SPAG16: variants seen among roughly 807,000 people sequenced by gnomAD.
SPAG16 encodes sperm-associated antigen 16 protein.
SPAG16 carries 86 observed loss-of-function variants against 80.4 expected under a neutral mutation model. The observed-to-expected ratio is 1.07, with a 90% CI of 0.90 to 1.28. SPAG16 has a LOEUF of 1.28. Ranked by LOEUF, SPAG16 falls within the 50% of genes most tolerant of loss-of-function variation. The probability of loss-of-function intolerance (pLI) is 0.00; values close to 1 mark genes in which losing one functional copy is unlikely to be tolerated. For synonymous variants in SPAG16, 294 were observed against 265.9 expected (o/e 1.11, Z -1.03); for missense variants, 870 against 765.3 (o/e 1.14, Z -1.61).
chr2:213,375,873 C>T (rs2066858896), intron 9 of SPAG16, among the ~76,000 whole-genome samples: 1 of 150,746 alleles, frequency 6.6e-6, no homozygotes, highest in Admixed American at 6.6e-5. Context: ...TTAGGTAATG[C>T]CAATAATTTT....
chr2:213,595,501 T>A (rs1416278411), intron 10 of SPAG16, among the ~76,000 whole-genome samples: 1 of 152,136 alleles, frequency 6.6e-6, no homozygotes, highest in African/African-American at 2.4e-5. Context: ...TTTCTAGGAT[T>A]CCTTTAAACT....
chr2:213,653,433 C>T (rs996834981), intron 10 of SPAG16, among the ~76,000 whole-genome samples: 16 of 152,166 alleles, frequency 1.1e-4, no homozygotes, highest in Admixed American at 3.9e-4. Flanking sequence ...CATTTCTCTT[C>T]CCACTTTTCC....
At chr2:214,367,026 A>C (rs1481398209) in intron 15 of SPAG16, among the ~76,000 whole-genome samples, 2 of 152,094 alleles carry the variant, frequency 1.3e-5, no homozygotes, top group South Asian at 2.1e-4. Flanking sequence ...CCTCTCTCCA[A>C]CTGCACCTCT....
At chr2:213,311,948 A>G (rs2126120673) in intron 4 of SPAG16, among the ~76,000 whole-genome samples, 1 of 151,654 alleles carries the variant, frequency 6.6e-6, no homozygotes, top group East Asian at 1.9e-4. Context: ...AATTTGATAT[A>G]GGTTCTTTCA....
chr2:214,185,665 C>G (rs2057444022), intron 15 of SPAG16, among the ~76,000 whole-genome samples: 1 of 152,020 alleles, frequency 6.6e-6, no homozygotes, highest in Non-Finnish European at 1.5e-5. Context: ...TGTCACAGAG[C>G]AAGCAAAACT....
At chr2:214,177,902 TATATATATATATAC>T (rs1436139263) in intron 15 of SPAG16, among the ~76,000 whole-genome samples, 13 of 88,708 alleles carry the variant, frequency 1.5e-4, no homozygotes, top group Non-Finnish European at 2.4e-4. Flanking sequence ...TATATATACA[TATATATATATATAC>T]ATATATATAT....
At chr2:213,593,746 CTTTTTTTTTTTTTTTTTT>C (rs541949006) in intron 10 of SPAG16, among the ~76,000 whole-genome samples, 34 of 50,180 alleles carry the variant, frequency 6.8e-4, no homozygotes, top group Non-Finnish European at 1.2e-3. Context: ...CCCACCACAT[CTTTTTTTTTTTTTTTTTT>C]TTTTTTTTTT....
intron 12 of SPAG16, among the ~76,000 whole-genome samples, chr2:213,951,901 T>C (rs2106325752): frequency 6.6e-6 from 1 of 152,262 alleles, no homozygotes; most frequent in South Asian, 2.1e-4. Flanking sequence ...ACAACTATAT[T>C]GGTACTAAGG....
intron 13 of SPAG16, among the ~76,000 whole-genome samples, chr2:214,068,546 G>A (rs1319442306): frequency 1.3e-5 from 2 of 151,900 alleles, no homozygotes; most frequent in Admixed American, 6.6e-5. Flanking sequence ...CTTTTCCTAG[G>A]AATATAAAAA....
At chr2:213,584,884 C>T (rs984509840) in intron 10 of SPAG16, among the ~76,000 whole-genome samples, 4 of 152,068 alleles carry the variant, frequency 2.6e-5, no homozygotes, top group African/African-American at 7.2e-5. Context: ...GTACTCTTAT[C>T]GTTTTTAAAA....
chr2:213,821,424 A>T (rs1317460168), intron 10 of SPAG16, among the ~76,000 whole-genome samples: 1 of 152,092 alleles, frequency 6.6e-6, no homozygotes, highest in Non-Finnish European at 1.5e-5. Flanking sequence ...TTAAATTTTT[A>T]ATTGTGTGTA....
At chr2:213,414,615 A>G (rs1341178153) in intron 9 of SPAG16, among the ~76,000 whole-genome samples, 1 of 152,230 alleles carries the variant, frequency 6.6e-6, no homozygotes, top group African/African-American at 2.4e-5. Context: ...TGATTAATGT[A>G]ACATAAAAGT....
intron 12 of SPAG16, among the ~76,000 whole-genome samples, chr2:213,953,396 T>C (rs1396627440): frequency 6.6e-6 from 1 of 151,698 alleles, no homozygotes; most frequent in Non-Finnish European, 1.5e-5. Context: ...GAGAAAAACT[T>C]ACAGAAGAAA....
At chr2:213,945,782 C>T (rs949393478) in intron 12 of SPAG16, among the ~76,000 whole-genome samples, 6 of 152,032 alleles carry the variant, frequency 3.9e-5, no homozygotes, top group African/African-American at 7.2e-5. Context: ...TTAGATCTGA[C>T]GGCAACTTAA....
intron 11 of SPAG16, among the ~76,000 whole-genome samples, chr2:213,874,439 G>A (rs2076065620): frequency 6.6e-6 from 1 of 151,890 alleles, no homozygotes; most frequent in Non-Finnish European, 1.5e-5. Context: ...TAAACACAAA[G>A]ACACACACAT....
intron 10 of SPAG16, among the ~76,000 whole-genome samples, chr2:213,757,426 T>C (rs2068402839): frequency 6.6e-6 from 1 of 151,562 alleles, no homozygotes; most frequent in Non-Finnish European, 1.5e-5. Context: ...AAGCTGGAGG[T>C]CCTGCACTTC....
At chr2:214,100,009 A>G (rs1325022981) in intron 13 of SPAG16, among the ~76,000 whole-genome samples, 1 of 152,044 alleles carries the variant, frequency 6.6e-6, no homozygotes, top group Admixed American at 6.6e-5. Context: ...TACAATCCTC[A>G]TAATCCCCAT....
intron 9 of SPAG16, among the ~76,000 whole-genome samples, chr2:213,483,427 G>A (rs925898904): frequency 2.0e-5 from 3 of 152,164 alleles, no homozygotes; most frequent in Non-Finnish European, 4.4e-5. Flanking sequence ...GAGAGCACCT[G>A]TACAAATTTA....
intron 9 of SPAG16, among the ~76,000 whole-genome samples, chr2:213,414,153 T>A (rs2069129846): frequency 6.6e-6 from 1 of 152,192 alleles, no homozygotes; most frequent in Admixed American, 6.5e-5. Flanking sequence ...TGCAAAAATA[T>A]GTGCAGTAGG....
Sources: gnomAD v4.1 joint callset for allele counts (sites outside exome capture counted in the v4.1 genomes callset) on GRCh38, gnomAD v4.1.1 for gene constraint, MANE v1.5 for transcripts, NCBI Gene and HGNC (gene_info 2026-07-23, HGNC 2026-07-21) for gene names.